Variants in ZAN observed in about 807,000 individuals in gnomAD.
The protein encoded by ZAN is zonadhesin (gene/pseudogene).
ZAN carries 260 observed loss-of-function variants against 286.2 expected under a neutral mutation model. The observed-to-expected ratio is 0.91, with a 90% CI of 0.82 to 1.01. The LOEUF is 1.01. ZAN is among the 50% of genes least tolerant of loss of function. ZAN has a pLI of 0.00. For synonymous variants in ZAN, 1,368 were observed against 1,417.5 expected (o/e 0.97, Z 0.79); for missense variants, 3,410 against 3,639.2 (o/e 0.94, Z 1.62).
Position 100,752,050 on chromosome 7 carries a change from A to G in ZAN, c.1945A>G (p.Ile649Val), listed in dbSNP as rs1388078826. Residue 649 changes from isoleucine to valine, a missense_variant, in exon 14 of 48, where the codon ATT becomes GTT. Physicochemically the swap from Ile to Val is conservative, Grantham distance 29 (BLOSUM62 3). This residue lies in a region of ZAN where 872 missense variants were observed against 938.9 expected (regional missense o/e 0.93). Transcript: ENST00000613979. The part of the protein sequence containing the change: ...KPTIPSEKPT[I>V]STEKPTVPTE... Reference sequence around the variant, plus strand: ...CACCATTCCCTCAGAAAAACCCACCATTTCCACAGAAAAACCCACCGTCCC... The same window carrying G: ...CACCATTCCCTCAGAAAAACCCACCGTTTCCACAGAAAAACCCACCGTCCC... 7 of 1,612,422 alleles carry G rather than the reference A, an allele frequency of 4.3e-6. No individual in the cohort carries two copies. The highest frequency in any genetic ancestry group is 5.9e-6 in the Non-Finnish European group (7 of 1,179,586).
At chr7:100,748,000 AAAG>A (rs1808348778) in intron 9 of ZAN, 134 bp from the exon 10 acceptor site, 25 of 721,136 alleles carry the variant, frequency 3.5e-5, no homozygotes, top group South Asian at 2.6e-4. Flanking sequence ...AAAAAAAAAA[AAAG>A]AAAGAAAGAA....
chr7:100,766,922 A>C (rs1240628268), intron 24 of ZAN, 88 bp from the exon 25 acceptor site: 12 of 1,570,626 alleles, frequency 7.6e-6, no homozygotes, highest in Non-Finnish European at 1.0e-5. Context: ...GGACCATGCC[A>C]ATGTGGGCTC....
Position 100,755,611 on chromosome 7 carries a change from G to A in ZAN, c.3309+201G>A, listed in dbSNP as rs143159343. 3.4e-3 allele frequency among the ~76,000 whole-genome samples: 523 copies of A among 152,138 alleles called. 8 individuals are homozygous for A. The highest frequency in any genetic ancestry group is 0.011 in the African/African-American group (458 of 41,492). On this transcript the variant is annotated intron_variant, in intron 15 of 47. Transcript: ENST00000613979. ...TTTTGAGACAGGGTCTCGCTTTGTC[G>A]CTCAGGCTGGAGAGTAGTGGCATCA...
chr7:100,780,295 G>C (rs1418022683), intron 35 of ZAN, among the ~76,000 whole-genome samples: 2 of 151,888 alleles, frequency 1.3e-5, no homozygotes, highest in Non-Finnish European at 2.9e-5. Context: ...GAATTCAATA[G>C]AGTTTTTTTT....
At chr7:100,761,797 G>T (rs1015637302) in intron 19 of ZAN, among the ~76,000 whole-genome samples, 1 of 151,562 alleles carries the variant, frequency 6.6e-6, no homozygotes, top group Non-Finnish European at 1.5e-5. Flanking sequence ...AAATTAGCTG[G>T]GCGTGGTGGT....
At chr7:100,795,116 C>T in intron 44 of ZAN, 80 bp from the exon 45 acceptor site, 1 of 1,503,634 alleles carries the variant, frequency 6.7e-7, no homozygotes, top group South Asian at 1.3e-5. Context: ...CCCCGGGCGT[C>T]CCAGCCCCCA....
Position 100,775,592 on chromosome 7 carries a change from G to A in ZAN, c.6027+17G>A. ...CGTGTGCTAGTGAGCTGGGTGTGGT[G>A]ACCGGGGCTGGGAGGGAGTGCTGGG... On this transcript the variant is annotated intron_variant, in intron 32 of 47. Transcript: ENST00000613979. The A allele has an allele frequency of 1.2e-6, 2 of 1,612,148 alleles. No individual in the cohort carries two copies. The highest frequency in any genetic ancestry group is 1.7e-6 in the Non-Finnish European group (2 of 1,178,428).
Position 100,738,391 on chromosome 7 carries a change from C to G in ZAN, c.614-70C>G, listed in dbSNP as rs1807458048. On this transcript the variant is annotated intron_variant, in intron 6 of 47. Coordinates refer to ENST00000613979, the MANE Select transcript of ZAN (RefSeq NM_003386.3). Reference sequence around the variant, plus strand: ...TATGATCACACCACTGTACTCTAGCCTGGGTGACAGAGACCCTGTCTCTAA... The same window carrying G: ...TATGATCACACCACTGTACTCTAGCGTGGGTGACAGAGACCCTGTCTCTAA... The G allele has an allele frequency of 3.0e-6, 4 of 1,338,702 alleles. No individual in the cohort carries two copies. The South Asian group carries it at 3.8e-5, about 13-fold the overall frequency. The allele number at this position is 1,338,702 out of a possible 1,614,324, so 82.9% of individuals were successfully genotyped here.
Position 100,767,873 on chromosome 7 carries a change from G to T in ZAN, c.4903G>T (p.Gly1635Cys). The change falls in exon 26 of 48, where the codon GGC (glycine) becomes TGC (cysteine). Residue 1635 changes from glycine to cysteine, a missense_variant. By Grantham distance (159) the Gly-to-Cys change is radical. This residue lies in a region of ZAN where 1,042 missense variants were observed against 1,058.0 expected (regional missense o/e 0.98). Transcript: ENST00000613979. Reference protein sequence around the residue: ...RVALPVWLAQGRVTIRLSSNL... With the variant: ...RVALPVWLAQCRVTIRLSSNL... ...GGCCCTACCTGTGTGGCTTGCACAAGGCCGGGTGACCATAAGGCTCAGCAG... is the reference window on the plus strand; with the variant it reads ...GGCCCTACCTGTGTGGCTTGCACAATGCCGGGTGACCATAAGGCTCAGCAG... 6.2e-7 allele frequency: 1 copy of T among 1,613,950 alleles called. No homozygotes were observed. Among genetic ancestry groups the T allele is most frequent in the Non-Finnish European group, 8.5e-7 (1 of 1,179,876 alleles).
rs369722248 is a variant in ZAN at position 100,766,727 on chromosome 7, G to A, written c.4612+61G>A. On this transcript the variant is annotated intron_variant, in intron 24 of 47. Transcript: ENST00000613979. ...CCCAGGCAACACCAGGCAAGGTGAT[G>A]GGTCCTGCCCAAAGCAGCTTCCCCA... 3.3e-6 allele frequency: 5 copies of A among 1,529,644 alleles called. 1 individual carries two copies. In the South Asian group the frequency reaches 6.2e-5, roughly 19 times the overall value. 94.8% of individuals were successfully genotyped at this position (1,529,644 alleles called of 1,614,324 possible).
rs1312084687 is a variant in ZAN, at chr7:100,780,461, A to G, written c.6622+711A>G. 1.8e-4 allele frequency among the ~76,000 whole-genome samples: 27 copies of G among 151,032 alleles called. No homozygotes were observed. The Admixed American group carries it at 1.8e-3, about 10-fold the overall frequency. On this transcript the variant is annotated intron_variant, in intron 35 of 47. Transcript: ENST00000613979. ...GGCTGAGGTGGGTGGATTGCTTGAA[A>G]CCAGGAGTTCGAGACCAGCCTGGGC...
rs529093233 is a variant in ZAN, at chr7:100,738,026, G to A, written c.614-435G>A. Among the ~76,000 whole-genome samples, 30 of 139,494 alleles carry A rather than the reference G, an allele frequency of 2.2e-4. 4 individuals carry two copies. Among genetic ancestry groups the A allele is most frequent in the Admixed American group, 1.4e-4 (2 of 13,976 alleles). The allele number at this position is 139,494 out of a possible 152,430, so 91.5% of individuals were successfully genotyped here. A position where few individuals can be genotyped will look rare whatever the true frequency, so the allele number is the denominator to read the frequency against. ...GGCTGGAGTGTAGTGGCACGATCTC[G>A]GCTCACTGCAACTTCTGCCTCTTGG... is the stretch of plus-strand genomic sequence containing the variant. On this transcript the variant is annotated intron_variant, in intron 6 of 47. Transcript: ENST00000613979.
chr7:100,795,217 CCT>C lies in ZAN; in HGVS notation c.8148_8149del (p.Cys2717SerfsTer3), dbSNP rs747073058. On this transcript the variant is annotated frameshift_variant, in exon 45 of 48. Coordinates refer to ENST00000613979, the MANE Select transcript of ZAN (RefSeq NM_003386.3). LOFTEE classifies it high-confidence loss of function. ...GCAGAAAGCCCGTGTCTGCAGAACC[CCT>C]GTCAGAATGACGGGCAGTGTCGGGA... 7.0e-5 allele frequency: 113 copies of C among 1,610,888 alleles called. No homozygotes were observed. Among genetic ancestry groups the C allele is most frequent in the African/African-American group, 1.5e-4 (11 of 74,808 alleles).
chr7:100,736,594 G>A lies in ZAN; in HGVS notation c.218G>A (p.Gly73Asp). 2.0e-6 allele frequency: 3 copies of A among 1,523,100 alleles called. No individual in the cohort carries two copies. The highest frequency in any genetic ancestry group is 2.7e-6 in the Non-Finnish European group (3 of 1,107,518). The allele number at this position is 1,523,100 out of a possible 1,614,324, so 94.3% of individuals were successfully genotyped here. A position where few individuals can be genotyped will look rare whatever the true frequency, so the allele number is the denominator to read the frequency against. ...WVRASGPSPT[G>D]STGAPGGYPN... The stretch of plus-strand genomic sequence containing the variant: ...CGAGCCAGTGGGCCCTCTCCCACCG[G>A]CTCCACCGGGGCCCCCGGGGGGTAC... Residue 73 changes from glycine to aspartate, a missense_variant, in exon 4 of 48, where the codon GGC (glycine) becomes GAC (aspartate). Around this residue, in one of 7 missense-constraint regions of ZAN, gnomAD observed 872 missense variants for 938.9 expected, o/e 0.93. Transcript: ENST00000613979.
intron 40 of ZAN, 47 bp from the exon 41 acceptor site, chr7:100,791,919 C>T: frequency 1.3e-6 from 2 of 1,553,738 alleles, no homozygotes; most frequent in Non-Finnish European, 1.7e-6. Flanking sequence ...TCCCCCACTT[C>T]ACCTTCCTTG....
At position 100,759,726 on chromosome 7, in the gene ZAN, T is replaced by C. The variant is rs1457544229; in HGVS notation, c.3577T>C (p.Phe1193Leu). 1 of 1,586,248 alleles carries C rather than the reference T, an allele frequency of 6.3e-7. No homozygotes were observed. The highest frequency in any genetic ancestry group is 1.8e-5 in the Admixed American group (1 of 56,004). ...AQPCGNSTDP[F>L]FRVTAKNEEQ... ...TCATTCCTCTCCCTACCCAGACCCA[T>C]TCTTCAGGGTGACAGCCAAGAATGA... is the stretch of plus-strand genomic sequence containing the variant. The change falls in exon 18 of 48, where the codon TTC becomes CTC. Residue 1193 changes from phenylalanine (F) to leucine (L), a missense_variant. Phe to Leu is a conservative substitution (Grantham distance 22, BLOSUM62 0). Transcript: ENST00000613979.
chr7:100,763,870 G>T lies in ZAN; in HGVS notation c.4051G>T (p.Gly1351Trp), dbSNP rs778625905. Reference sequence around the variant, plus strand: ...TTCATCTCTGCAGAGCAGCATGTCGGGGCCAGGGTTCTGTGGACGGCTGGT... The same window carrying T: ...TTCATCTCTGCAGAGCAGCATGTCGTGGCCAGGGTTCTGTGGACGGCTGGT... ...CDSSLQSSMS[G>W]PGFCGRLVDT... Residue 1351 changes from glycine to tryptophan, a missense_variant, in exon 21 of 48, where the codon GGG (glycine) becomes TGG (tryptophan). Coordinates refer to ENST00000613979, the MANE Select transcript of ZAN (RefSeq NM_003386.3). The surrounding 1 kb of genome is among the most constrained non-coding windows in gnomAD (Gnocchi z 4.6). The T allele has an allele frequency of 6.2e-7, 1 of 1,614,058 alleles. No homozygotes were observed. The highest frequency in any genetic ancestry group is 8.5e-7 in the Non-Finnish European group (1 of 1,179,900).
chr7:100,755,139 A>G, intron 14 of ZAN, 87 bp from the exon 15 acceptor site: 1 of 1,451,580 alleles, frequency 6.9e-7, no homozygotes, highest in Admixed American at 2.2e-5. Context: ...CTAGAGAAGA[A>G]CTTGAGTTTG....
chr7:100,753,327 T>A, intron 14 of ZAN, 98 bp downstream of exon 14: 1 of 1,242,228 alleles, frequency 8.1e-7, no homozygotes, highest in Non-Finnish European at 1.1e-6. Flanking sequence ...GCCTTCTAGT[T>A]GCTTCTAGAT....
Sources: gnomAD v4.1 joint callset for allele counts (sites outside exome capture counted in the v4.1 genomes callset) on GRCh38, gnomAD v4.1.1 for gene constraint, gnomAD v4.1.1 regional missense constraint, Gnocchi (gnomAD v3.1) non-coding constraint, MANE v1.5 for transcripts, NCBI Gene and HGNC (gene_info 2026-07-23, HGNC 2026-07-21) for gene names.